CUX1: variants seen among roughly 807,000 people sequenced by gnomAD.
The protein encoded by CUX1 is protein CASP.
Under a neutral mutation model 158.8 loss-of-function variants are expected in CUX1, and 31 were observed. The ratio of observed to expected loss-of-function variants is 0.20; its 90% confidence interval spans 0.15 to 0.26. The LOEUF is 0.26. Ranked by LOEUF, CUX1 falls within the 10% of genes least tolerant of loss-of-function variation. The pLI is 1.00. For missense variants in CUX1, 1,589 were observed against 2,014.6 expected (o/e 0.79, Z 4.04); for synonymous variants, 879 against 862.1 (o/e 1.02, Z -0.34).
chr7:102,279,682 A>T (rs1791906479), intron 18 of CUX1, among the ~76,000 whole-genome samples: 1 of 152,132 alleles, frequency 6.6e-6, no homozygotes, highest in African/African-American at 2.4e-5. Flanking sequence ...CTGGGTGGCC[A>T]GCTGGGGGGC....
At chr7:102,033,870 G>A (rs191141338) in intron 3 of CUX1, among the ~76,000 whole-genome samples, 190 of 152,170 alleles carry the variant, frequency 1.2e-3, no homozygotes, top group Non-Finnish European at 2.2e-3. Flanking sequence ...TATTGGCCAC[G>A]CATGGTGGCT....
intron 9 of CUX1, among the ~76,000 whole-genome samples, chr7:102,163,129 AAGTGGAAGGTT>A (rs1420842652): frequency 1.3e-5 from 2 of 152,148 alleles, no homozygotes; most frequent in Non-Finnish European, 2.9e-5. Flanking sequence ...GCAGGAAAAG[AAGTGGAAGGTT>A]AAAGGAAAGC....
intron 3 of CUX1, among the ~76,000 whole-genome samples, chr7:102,054,327 T>G (rs1009930730): frequency 6.6e-6 from 1 of 152,234 alleles, no homozygotes; most frequent in Non-Finnish European, 1.5e-5. Flanking sequence ...TTTGAGTTAA[T>G]TTTTGCATAT....
intron 2 of CUX1, among the ~76,000 whole-genome samples, chr7:102,009,490 G>A (rs1226582469): frequency 3.9e-5 from 6 of 152,208 alleles, no homozygotes; most frequent in South Asian, 2.1e-4. Flanking sequence ...GTGGGATCTT[G>A]CTATGTTGCT....
At chr7:102,044,491 C>T (rs181652792) in intron 3 of CUX1, among the ~76,000 whole-genome samples, 3 of 152,218 alleles carry the variant, frequency 2.0e-5, no homozygotes, top group Admixed American at 1.3e-4. Context: ...CGCCCGGCCA[C>T]CTTAGCCCAT....
intron 1 of CUX1, among the ~76,000 whole-genome samples, chr7:101,892,808 C>T (rs572458071): frequency 2.0e-5 from 3 of 152,068 alleles, no homozygotes; most frequent in African/African-American, 7.2e-5. Context: ...CATTAAAGGG[C>T]CTAAAACTAT....
Position 102,201,470 on chromosome 7 carries a change from G to A in CUX1, c.2173G>A (p.Asp725Asn), listed in dbSNP as rs782035887. The change falls in exon 18 of 24, where the codon GAC becomes AAC. Residue 725 changes from aspartate to asparagine, a missense_variant. Around this residue, in one of 8 missense-constraint regions of CUX1, gnomAD observed 337 missense variants for 409.3 expected, o/e 0.82. Coordinates refer to ENST00000292535, the MANE Select transcript of CUX1 (RefSeq NM_181552.4). This position sits in a 1 kb window ranked among gnomAD's most constrained non-coding sequence, Gnocchi z 5.0. ...REMEAQQAAL[D>N]PALKQAPLSQ... Reference sequence around the variant, plus strand: ...GATGGAGGCCCAGCAGGCTGCCCTCGACCCTGCCTTAAAGCAGGCACCACT... The same window carrying A: ...GATGGAGGCCCAGCAGGCTGCCCTCAACCCTGCCTTAAAGCAGGCACCACT... 30 of 1,613,834 alleles carry A rather than the reference G, an allele frequency of 1.9e-5. No individual in the cohort carries two copies. The highest frequency in any genetic ancestry group is 1.8e-4 in the East Asian group (8 of 44,890).
At chr7:101,821,323 G>A (rs1792460437) in intron 1 of CUX1, among the ~76,000 whole-genome samples, 1 of 151,632 alleles carries the variant, frequency 6.6e-6, no homozygotes, top group African/African-American at 2.4e-5. Flanking sequence ...TTAACTTGGT[G>A]AGGGGGATAT....
intron 3 of CUX1, among the ~76,000 whole-genome samples, chr7:102,054,966 G>C (rs1823969550): frequency 1.3e-5 from 2 of 150,288 alleles, no homozygotes. Flanking sequence ...GTGAGACCCT[G>C]TCTCCAAAAA....
At chr7:102,232,494 C>T (rs1409308333) in intron 21 of CUX1, among the ~76,000 whole-genome samples, 1 of 152,138 alleles carries the variant, frequency 6.6e-6, no homozygotes, top group Non-Finnish European at 1.5e-5. Context: ...CTCCCTGCCC[C>T]GGATGGGGAG....
At chr7:102,185,884 T>A (rs1333312269) in intron 11 of CUX1, among the ~76,000 whole-genome samples, 1 of 152,162 alleles carries the variant, frequency 6.6e-6, no homozygotes, top group Non-Finnish European at 1.5e-5. Flanking sequence ...ACCCCAGAGA[T>A]TTTTTTCTTT....
intron 8 of CUX1, among the ~76,000 whole-genome samples, chr7:102,137,589 T>C (rs1445380863): frequency 6.6e-6 from 1 of 152,124 alleles, no homozygotes; most frequent in Non-Finnish European, 1.5e-5. Context: ...TGAGCTGAGA[T>C]GGCACCGCTG....
chr7:102,182,025 C>G (rs1183722615), intron 11 of CUX1, among the ~76,000 whole-genome samples: 1 of 152,326 alleles, frequency 6.6e-6, no homozygotes, highest in South Asian at 2.1e-4. Context: ...GAGCTGCTTT[C>G]TTTCTTTCTT....
chr7:102,178,774 A>C, intron 11 of CUX1, 117 bp downstream of exon 11: 1 of 1,130,534 alleles, frequency 8.8e-7, no homozygotes, highest in African/African-American at 1.5e-5. Context: ...GCAACCTTGA[A>C]CCTCTGTAAA....
intron 2 of CUX1, among the ~76,000 whole-genome samples, chr7:101,983,726 A>ACCAGATCTC (rs1202456423): frequency 2.6e-5 from 4 of 152,072 alleles, no homozygotes; most frequent in Non-Finnish European, 5.9e-5. Context: ...CTTTTAAACA[A>ACCAGATCTC]CCAGATCTCA....
Position 102,256,340 on chromosome 7 carries a change from T to TC in CUX1, c.*7299dup. ...AAAAAAAAAATTATTTCTATCCTCT[T>TC]CTATTTATTATTAGGTTAATCATTT... On this transcript the variant is annotated 3_prime_UTR_variant, in exon 24 of 24. Coordinates refer to ENST00000292535, the MANE Select transcript of CUX1 (RefSeq NM_181552.4). 1 of 984,850 alleles carries TC rather than the reference T, an allele frequency of 1.0e-6. No individual in the cohort carries two copies. The highest frequency in any genetic ancestry group is 1.2e-6 in the Non-Finnish European group (1 of 829,414). 61.0% of individuals were successfully genotyped at this position (984,850 alleles called of 1,614,324 possible). A position where few individuals can be genotyped will look rare whatever the true frequency, so the allele number is the denominator to read the frequency against.
intron 17 of CUX1, chr7:102,277,932 T>TTCC: frequency 8.7e-7 from 1 of 1,150,380 alleles, no homozygotes; most frequent in Non-Finnish European, 1.2e-6. Flanking sequence ...CCCCTTTCCT[T>TTCC]GCCCCTCCCC....
intron 3 of CUX1, among the ~76,000 whole-genome samples, chr7:102,036,611 G>T (rs139320190): frequency 6.6e-6 from 1 of 152,038 alleles, no homozygotes; most frequent in African/African-American, 2.4e-5. Flanking sequence ...GTGTGGTCAC[G>T]TGCTCCTGTA....
chr7:101,926,148 A>G (rs1805565323), intron 2 of CUX1, among the ~76,000 whole-genome samples: 1 of 152,220 alleles, frequency 6.6e-6, no homozygotes, highest in Admixed American at 6.5e-5. Flanking sequence ...GGATTTGGCA[A>G]AATGAGAAAA....
Sources: allele counts gnomAD v4.1 joint callset (sites outside exome capture counted in the v4.1 genomes callset), GRCh38; gene constraint gnomAD v4.1.1; regional missense constraint gnomAD v4.1.1; non-coding constraint Gnocchi (gnomAD v3.1); transcripts MANE v1.5; gene names NCBI Gene and HGNC (gene_info 2026-07-23, HGNC 2026-07-21).